The following VAT1L variants were observed in gnomAD, a reference collection of about 807,000 sequenced individuals.
VAT1L encodes the protein vesicle amine transport 1 like.
VAT1L carries 34 observed loss-of-function variants against 44.1 expected under a neutral mutation model. The ratio of observed to expected loss-of-function variants is 0.77; its 90% CI spans 0.59 to 1.03. The LOEUF is 1.03. VAT1L is among the 50% of genes least tolerant of loss of function. The pLI is 0.00. For missense variants in VAT1L, 615 were observed against 538.8 expected (o/e 1.14, Z -1.40); for synonymous variants, 253 against 202.2 (o/e 1.25, Z -2.13).
At chr16:77,823,829 C>A (rs532686403) in intron 2 of VAT1L, among the ~76,000 whole-genome samples, 3 of 152,110 alleles carry the variant, frequency 2.0e-5, no homozygotes, top group Non-Finnish European at 2.9e-5. Flanking sequence ...ACCAGCCTAA[C>A]ATGGTGAAAC....
At chr16:77,951,234 G>T (rs1483658770) in intron 7 of VAT1L, among the ~76,000 whole-genome samples, 1 of 152,166 alleles carries the variant, frequency 6.6e-6, no homozygotes, top group Non-Finnish European at 1.5e-5. Context: ...CAAAGTGGAA[G>T]GGTAATTTGT....
chr16:77,864,510 G>T (rs528075900), intron 4 of VAT1L, among the ~76,000 whole-genome samples: 3 of 152,316 alleles, frequency 2.0e-5, no homozygotes, highest in African/African-American at 7.2e-5. Context: ...GAAGGCTGAG[G>T]TGGGTGGATC....
At chr16:77,870,963 A>T (rs1172600332) in intron 4 of VAT1L, among the ~76,000 whole-genome samples, 1 of 152,114 alleles carries the variant, frequency 6.6e-6, no homozygotes, top group African/African-American at 2.4e-5. Context: ...AAGGCTGCTC[A>T]TGGGACCAGG....
At chr16:77,952,855 T>TAAAAAAAAAAAAA (rs61033802) in intron 7 of VAT1L, among the ~76,000 whole-genome samples, 2 of 92,234 alleles carry the variant, frequency 2.2e-5, no homozygotes, top group Non-Finnish European at 1.8e-5. Flanking sequence ...AGACTCCATT[T>TAAAAAAAAAAAAA]AAAAAAAAAA....
At chr16:77,964,285 A>C (rs577428213) in intron 7 of VAT1L, among the ~76,000 whole-genome samples, 38 of 152,246 alleles carry the variant, frequency 2.5e-4, no homozygotes, top group African/African-American at 9.1e-4. Flanking sequence ...AAATAACATA[A>C]AAGTATTATC....
chr16:77,979,939 C>T lies in VAT1L; in HGVS notation c.*2244C>T, dbSNP rs2018382272. ...AAGGAAGTGTAAAGAATGTCTCAGT[C>T]TGCCTTAAAGGAACTGTGAAGGCTT... On this transcript the variant is annotated 3_prime_UTR_variant, in exon 9 of 9. Coordinates refer to ENST00000302536, the MANE Select transcript of VAT1L (RefSeq NM_020927.3). The T allele has an allele frequency of 6.6e-6, 1 of 152,610 alleles. No homozygotes were observed. The highest frequency in any genetic ancestry group is 1.5e-5 in the Non-Finnish European group (1 of 68,042). 9.5% of individuals were successfully genotyped at this position (152,610 alleles called of 1,614,324 possible). A position where few individuals can be genotyped will look rare whatever the true frequency, so the allele number is the denominator to read the frequency against.
At chr16:77,843,715 A>C (rs920490090) in intron 3 of VAT1L, among the ~76,000 whole-genome samples, 4 of 152,214 alleles carry the variant, frequency 2.6e-5, no homozygotes, top group Admixed American at 2.6e-4. Flanking sequence ...GGCCAAACAG[A>C]GGCCAGTCTA....
rs73574823 is a variant in VAT1L at position 77,795,535 on chromosome 16, G to A, written c.233+6620G>A. Among the ~76,000 whole-genome samples the A allele has an allele frequency of 5.1e-3, 777 of 152,214 alleles. 7 individuals carry two copies. The highest frequency in any genetic ancestry group is 0.018 in the African/African-American group (740 of 41,532). On this transcript the variant is annotated intron_variant, in intron 1 of 8. Coordinates refer to ENST00000302536, the MANE Select transcript of VAT1L (RefSeq NM_020927.3). ...TATTTCCTCAGGATTAAACCTTTTGGGGGGTTGAAACTATGGAATTAAAAA... is the reference window on the plus strand; with the variant it reads ...TATTTCCTCAGGATTAAACCTTTTGAGGGGTTGAAACTATGGAATTAAAAA...
chr16:77,969,147 G>A (rs2018253352), intron 7 of VAT1L, among the ~76,000 whole-genome samples: 1 of 152,140 alleles, frequency 6.6e-6, no homozygotes, highest in African/African-American at 2.4e-5. Flanking sequence ...AGCAAAATTA[G>A]GAATGCTTCT....
rs764420122 is a variant in VAT1L at position 77,915,125 on chromosome 16, C to CA, written c.1077+30334dup. On this transcript the variant is annotated intron_variant, in intron 7 of 8. Coordinates refer to ENST00000302536, the MANE Select transcript of VAT1L (RefSeq NM_020927.3). Reference sequence around the variant, plus strand: ...GGGTGACAAGAGCAAAATTCCGTCTCAAAAAAAAAAAGAGTTGTTGGATTG... The same window carrying CA: ...GGGTGACAAGAGCAAAATTCCGTCTCAAAAAAAAAAAAGAGTTGTTGGATTG... 5.3e-3 allele frequency among the ~76,000 whole-genome samples: 733 copies of CA among 137,794 alleles called. 2 individuals are homozygous for CA. Among genetic ancestry groups the CA allele is most frequent in the Middle Eastern group, 0.022 (6 of 274 alleles). 90.4% of individuals were successfully genotyped at this position (137,794 alleles called of 152,430 possible).
At position 77,892,823 on chromosome 16, in the gene VAT1L, G is replaced by A. The variant is rs147356618; in HGVS notation, c.1077+8021G>A. 4.1e-4 allele frequency: 339 copies of A among 831,834 alleles called. 1 individual carries two copies. In the African/African-American group the frequency reaches 5.2e-3, roughly 13 times the overall value. 51.5% of individuals were successfully genotyped at this position (831,834 alleles called of 1,614,324 possible). A position where few individuals can be genotyped will look rare whatever the true frequency, so the allele number is the denominator to read the frequency against. Reference sequence around the variant, plus strand: ...TGTGGTCTTTGACAAGGTGAAAGAAGGCATGAATATTGTGGAGGCCATGGA... The same window carrying A: ...TGTGGTCTTTGACAAGGTGAAAGAAAGCATGAATATTGTGGAGGCCATGGA... On this transcript the variant is annotated intron_variant, in intron 7 of 8. Transcript: ENST00000302536.
intron 7 of VAT1L, among the ~76,000 whole-genome samples, chr16:77,966,206 A>G (rs1283728494): frequency 6.6e-6 from 1 of 152,102 alleles, no homozygotes; most frequent in African/African-American, 2.4e-5. Context: ...GGTTCGCTTT[A>G]TATTTATTTT....
chr16:77,804,486 A>G (rs987584922), intron 1 of VAT1L, among the ~76,000 whole-genome samples: 1 of 152,150 alleles, frequency 6.6e-6, no homozygotes, highest in African/African-American at 2.4e-5. Context: ...TGTGTTTTGA[A>G]TACTAATTTG....
chr16:77,924,054 C>T (rs1259883021), intron 7 of VAT1L, among the ~76,000 whole-genome samples: 1 of 151,958 alleles, frequency 6.6e-6, no homozygotes, highest in Non-Finnish European at 1.5e-5. Context: ...AGCTGTGAGA[C>T]ACTGAGCAAC....
intron 1 of VAT1L, among the ~76,000 whole-genome samples, chr16:77,806,434 T>C (rs982022118): frequency 4.0e-5 from 6 of 150,858 alleles, no homozygotes; most frequent in Middle Eastern, 3.5e-3. Context: ...TGGTCTCGAT[T>C]TCCTGACCTC....
chr16:77,955,746 A>G (rs1194259194), intron 7 of VAT1L, among the ~76,000 whole-genome samples: 1 of 141,062 alleles, frequency 7.1e-6, no homozygotes, highest in Non-Finnish European at 1.5e-5. Flanking sequence ...AAAAAAAGAG[A>G]GAGAATGGAA....
chr16:77,848,645 T>C (rs577605114), intron 3 of VAT1L, among the ~76,000 whole-genome samples: 3 of 152,284 alleles, frequency 2.0e-5, no homozygotes, highest in South Asian at 2.1e-4. Flanking sequence ...TGAATGCTTA[T>C]GTGATTTGCC....
intron 4 of VAT1L, among the ~76,000 whole-genome samples, chr16:77,869,215 G>A (rs2017005742): frequency 6.6e-6 from 1 of 152,294 alleles, no homozygotes; most frequent in East Asian, 1.9e-4. Flanking sequence ...GGAAAATACT[G>A]CAAGATGAGA....
rs1386151229 is a variant in VAT1L, at chr16:77,979,112, G to A, written c.*1417G>A. ...AACCCTTTCCGCAAGTGGTAGGAAC[G>A]AATGCATCTTAGCAATTACCTGATT... On this transcript the variant is annotated 3_prime_UTR_variant, in exon 9 of 9. Coordinates refer to ENST00000302536, the MANE Select transcript of VAT1L (RefSeq NM_020927.3). 6.6e-6 allele frequency: 1 copy of A among 152,614 alleles called. No homozygotes were observed. The highest frequency in any genetic ancestry group is 1.5e-5 in the Non-Finnish European group (1 of 68,050). The allele number at this position is 152,614 out of a possible 1,614,324, so 9.5% of individuals were successfully genotyped here. A position where few individuals can be genotyped will look rare whatever the true frequency, so the allele number is the denominator to read the frequency against.
Sources: gnomAD v4.1 joint callset for allele counts (sites outside exome capture counted in the v4.1 genomes callset) on GRCh38, gnomAD v4.1.1 for gene constraint, MANE v1.5 for transcripts, NCBI Gene and HGNC (gene_info 2026-07-23, HGNC 2026-07-21) for gene names.